ST6GALNAC3: variants seen among roughly 807,000 people sequenced by gnomAD.
ST6GALNAC3 encodes alpha-N-acetylgalactosaminide alpha-2,6-sialyltransferase 3.
Under a neutral mutation model 32.7 loss-of-function variants are expected in ST6GALNAC3, and 25 were observed. That is an observed-to-expected ratio of 0.76 (90% CI 0.56 to 1.07). ST6GALNAC3 has a LOEUF of 1.07. Among genes scored for constraint, ST6GALNAC3 ranks in the 50% least tolerant of loss-of-function variants. The pLI, the probability that ST6GALNAC3 is intolerant of heterozygous loss-of-function variation, is 0.00. For synonymous variants in ST6GALNAC3, 129 were observed against 133.1 expected (o/e 0.97, Z 0.21); for missense variants, 355 against 382.4 (o/e 0.93, Z 0.60).
intron 1 of ST6GALNAC3, among the ~76,000 whole-genome samples, chr1:76,182,620 A>C (rs1438329141): frequency 6.6e-6 from 1 of 152,140 alleles, no homozygotes; most frequent in Non-Finnish European, 1.5e-5. Context: ...GTAAATTTTG[A>C]TGGCCATGTA....
chr1:76,536,583 C>T (rs1034344081), intron 3 of ST6GALNAC3, among the ~76,000 whole-genome samples: 1 of 139,216 alleles, frequency 7.2e-6, no homozygotes, highest in Non-Finnish European at 1.5e-5. Flanking sequence ...GACCACAGTT[C>T]GTATTACAAT....
At chr1:76,619,906 C>T (rs1036763378) in intron 3 of ST6GALNAC3, among the ~76,000 whole-genome samples, 15 of 152,100 alleles carry the variant, frequency 9.9e-5, no homozygotes, top group Non-Finnish European at 2.9e-5. Flanking sequence ...TAATCCACAG[C>T]TCAGCTCTTA....
At chr1:76,605,861 T>TAAA (rs1159864958) in intron 3 of ST6GALNAC3, among the ~76,000 whole-genome samples, 1,822 of 58,870 alleles carry the variant, frequency 0.031, 522 homozygotes, top group East Asian at 0.055. Flanking sequence ...GGAGACTCCA[T>TAAA]AAAAAAAAAA....
At chr1:76,137,211 T>C (rs922297345) in intron 1 of ST6GALNAC3, among the ~76,000 whole-genome samples, 3 of 152,208 alleles carry the variant, frequency 2.0e-5, no homozygotes, top group East Asian at 3.9e-4. Context: ...AAAATCTATG[T>C]GGAGTTGGTT....
At chr1:76,348,059 C>T (rs568531087) in intron 2 of ST6GALNAC3, among the ~76,000 whole-genome samples, 4 of 152,214 alleles carry the variant, frequency 2.6e-5, no homozygotes, top group Admixed American at 1.3e-4. Flanking sequence ...AACTGTTTTT[C>T]GTAGAAGCCT....
At chr1:76,184,519 GCACACACACACA>G (rs71071992) in intron 1 of ST6GALNAC3, among the ~76,000 whole-genome samples, 6,217 of 134,124 alleles carry the variant, frequency 0.046, 159 homozygotes, top group African/African-American at 0.059. Context: ...CTCCTGGGCA[GCACACACACACA>G]CACACACACA....
intron 1 of ST6GALNAC3, among the ~76,000 whole-genome samples, chr1:76,098,848 AGTTT>A (rs1168750092): frequency 1.3e-5 from 2 of 152,080 alleles, no homozygotes; most frequent in Non-Finnish European, 2.9e-5. Flanking sequence ...GTCTTTCACT[AGTTT>A]GATTTCTTGA....
intron 1 of ST6GALNAC3, among the ~76,000 whole-genome samples, chr1:76,158,936 G>C (rs933116105): frequency 2.0e-5 from 3 of 152,166 alleles, no homozygotes; most frequent in Non-Finnish European, 4.4e-5. Flanking sequence ...AAGCTGGCAA[G>C]GGACTGAGCC....
intron 3 of ST6GALNAC3, among the ~76,000 whole-genome samples, chr1:76,616,141 G>T (rs1648277875): frequency 6.6e-6 from 1 of 152,084 alleles, no homozygotes; most frequent in Non-Finnish European, 1.5e-5. Flanking sequence ...TTTTCTCATA[G>T]ATTGCCAGCC....
intron 3 of ST6GALNAC3, among the ~76,000 whole-genome samples, chr1:76,605,635 C>T (rs1004862707): frequency 3.3e-5 from 5 of 151,902 alleles, no homozygotes; most frequent in East Asian, 3.9e-4. Context: ...GAGGCCAAGG[C>T]GGGTGGATCA....
rs1217735147 is a variant in ST6GALNAC3, at chr1:76,381,183, A to AG, written c.214-30825_214-30824insG. ...TTTGGGCTGCTAAAAAAAAAAAAAA[A>AG]AAAGAAAAAAAAAAAGACCACTTCT... On this transcript the variant is annotated intron_variant, in intron 2 of 4. Transcript: ENST00000328299. 4.1e-3 allele frequency among the ~76,000 whole-genome samples: 549 copies of AG among 133,402 alleles called. 2 individuals are homozygous for AG. Among genetic ancestry groups the AG allele is most frequent in the African/African-American group, 0.014 (536 of 39,070 alleles). The allele number at this position is 133,402 out of a possible 152,430, so 87.5% of individuals were successfully genotyped here.
chr1:76,622,512 A>G (rs1163123596), intron 3 of ST6GALNAC3, among the ~76,000 whole-genome samples: 1 of 151,912 alleles, frequency 6.6e-6, no homozygotes, highest in Non-Finnish European at 1.5e-5. Flanking sequence ...AATCACCCTA[A>G]GGCAAGAATA....
At chr1:76,527,673 G>A (rs1276899475) in intron 3 of ST6GALNAC3, among the ~76,000 whole-genome samples, 2 of 152,054 alleles carry the variant, frequency 1.3e-5, no homozygotes, top group African/African-American at 2.4e-5. Context: ...GGGAGGGAAA[G>A]GAACTGAGAA....
At chr1:76,118,850 TCTCA>T (rs1648663280) in intron 1 of ST6GALNAC3, among the ~76,000 whole-genome samples, 1 of 152,034 alleles carries the variant, frequency 6.6e-6, no homozygotes, top group Non-Finnish European at 1.5e-5. Flanking sequence ...TGAGGTGGAG[TCTCA>T]CTCTGTCGCC....
intron 3 of ST6GALNAC3, among the ~76,000 whole-genome samples, chr1:76,549,495 T>G (rs1453331093): frequency 6.6e-6 from 1 of 151,804 alleles, no homozygotes; most frequent in Admixed American, 6.6e-5. Context: ...TTATTACCTT[T>G]TTGGTCTATT....
At chr1:76,339,794 A>G (rs939709880) in intron 2 of ST6GALNAC3, among the ~76,000 whole-genome samples, 1 of 152,276 alleles carries the variant, frequency 6.6e-6, no homozygotes, top group Middle Eastern at 3.4e-3. Context: ...TTCCAAAAAA[A>G]TACAGAAATC....
At chr1:76,590,962 A>G (rs962003237) in intron 3 of ST6GALNAC3, among the ~76,000 whole-genome samples, 4 of 152,190 alleles carry the variant, frequency 2.6e-5, no homozygotes, top group Non-Finnish European at 5.9e-5. Flanking sequence ...GCCCTGTTGA[A>G]CTTATGGTTT....
intron 2 of ST6GALNAC3, among the ~76,000 whole-genome samples, chr1:76,369,964 A>G (rs1214781411): frequency 2.0e-5 from 3 of 152,200 alleles, no homozygotes; most frequent in African/African-American, 7.2e-5. Context: ...CTTATTCACT[A>G]AGTGTTTTTC....
At chr1:76,347,174 A>G (rs1035027749) in intron 2 of ST6GALNAC3, among the ~76,000 whole-genome samples, 3 of 152,208 alleles carry the variant, frequency 2.0e-5, no homozygotes, top group African/African-American at 7.2e-5. Flanking sequence ...TAGCATGTAG[A>G]AAATTAATAA....
Sources: allele counts gnomAD v4.1 joint callset (sites outside exome capture counted in the v4.1 genomes callset), GRCh38; gene constraint gnomAD v4.1.1; transcripts MANE v1.5; gene names NCBI Gene and HGNC (gene_info 2026-07-23, HGNC 2026-07-21).